FYCO1: variants seen among roughly 807,000 people sequenced by gnomAD.
FYCO1 encodes the protein FYVE and coiled-coil domain autophagy adaptor 1.
In FYCO1, 122 loss-of-function variants were observed where a neutral mutation model predicts 165.1. The observed-to-expected ratio is 0.74, with a 90% CI of 0.64 to 0.86. FYCO1 has a LOEUF of 0.86. FYCO1 is among the 40% of genes least tolerant of loss of function. The pLI is 0.00. For missense variants in FYCO1, 1,702 were observed against 1,810.3 expected, an observed-to-expected ratio of 0.94 and a Z score of 1.09; for synonymous variants, 648 against 742.5, an observed-to-expected ratio of 0.87 and a Z score of 2.07.
intron 14 of FYCO1, 87 bp from the exon 15 acceptor site, chr3:45,936,630 G>A: frequency 1.1e-6 from 1 of 931,956 alleles, no homozygotes; most frequent in South Asian, 1.3e-5. Context: ...GGAGTCACAG[G>A]CAGCCAAATC....
At position 45,936,486 on chromosome 3, in the gene FYCO1, C is replaced by T. The variant is rs1301413592; in HGVS notation, c.4002G>A (p.Gln1334=). ...PEDTEDMPVG[Q]DSEICLLKSG... ...ACTTCAGCAGGCAGATTTCCGAATC[C>T]TGCCCCACGGGCATGTCTTCAGTGT... The change falls in exon 15 of 18, where the codon CAG becomes CAA. Residue 1334 remains glutamine (Q), a synonymous_variant. Coordinates refer to ENST00000296137, the MANE Select transcript of FYCO1 (RefSeq NM_024513.4). 1 of 1,614,084 alleles carries T rather than the reference C, an allele frequency of 6.2e-7. No individual in the cohort carries two copies. Among genetic ancestry groups the T allele is most frequent in the Admixed American group, 1.7e-5 (1 of 60,028 alleles).
At chr3:45,930,106 C>A (rs1292621680) in intron 16 of FYCO1, among the ~76,000 whole-genome samples, 3 of 152,258 alleles carry the variant, frequency 2.0e-5, no homozygotes, top group Admixed American at 2.0e-4. Context: ...TTGATCCTTG[C>A]AATTCTTGCA....
intron 1 of FYCO1, among the ~76,000 whole-genome samples, chr3:45,991,032 C>A (rs2125881822): frequency 6.6e-6 from 1 of 152,274 alleles, no homozygotes; most frequent in African/African-American, 2.4e-5. Context: ...CCCGCCTTGG[C>A]CTCCCAAAGT....
chr3:45,989,406 G>A (rs138996565), intron 1 of FYCO1, among the ~76,000 whole-genome samples: 1 of 152,318 alleles, frequency 6.6e-6, no homozygotes, highest in African/African-American at 2.4e-5. Context: ...AAGGCCTGGA[G>A]GTCCTGCTGG....
intron 11 of FYCO1, 134 bp from the exon 12 acceptor site, chr3:45,959,676 T>C (rs113545180): frequency 2.1e-6 from 2 of 935,232 alleles, no homozygotes; most frequent in Non-Finnish European, 1.7e-6. Flanking sequence ...CTTGGAAATA[T>C]GCCCCAGCCC....
chr3:45,966,395 G>T lies in FYCO1; in HGVS notation c.2939C>A (p.Ala980Asp), dbSNP rs148054715. 10 of 1,613,690 alleles carry T rather than the reference G, an allele frequency of 6.2e-6. No homozygotes were observed. In the African/African-American group the frequency reaches 1.3e-4, roughly 22 times the overall value. Residue 980 changes from alanine to aspartate, a missense_variant, in exon 8 of 18, where the codon GCC becomes GAC. By Grantham distance (126) the Ala-to-Asp change is moderately radical. Coordinates refer to ENST00000296137, the MANE Select transcript of FYCO1 (RefSeq NM_024513.4). The part of the protein sequence containing the change: ...AAAGSLPGLQ[A>D]QLAQAEQRAQ... ...CCGCTGCTCTGCCTGGGCGAGCTGGGCCTGCAGGCCAGGCAGTGAGCCGGC... is the reference window on the plus strand; with the variant it reads ...CCGCTGCTCTGCCTGGGCGAGCTGGTCCTGCAGGCCAGGCAGTGAGCCGGC...
Position 45,921,751 on chromosome 3 carries a change from CT to C in FYCO1, c.*13del. The C allele has an allele frequency of 2.6e-6, 4 of 1,557,954 alleles. No individual in the cohort carries two copies. The highest frequency in any genetic ancestry group is 3.5e-6 in the Non-Finnish European group (4 of 1,128,736). ...GTTTCCTGTGGATGAAGTGAAGTTA[CT>C]GAGGTGCTGAAGCTACAGGAAATCA... On this transcript the variant is annotated 3_prime_UTR_variant, in exon 18 of 18. Coordinates refer to ENST00000296137, the MANE Select transcript of FYCO1 (RefSeq NM_024513.4).
At chr3:45,979,582 A>G in intron 4 of FYCO1, 123 bp downstream of exon 4, 1 of 1,213,238 alleles carries the variant, frequency 8.2e-7, no homozygotes, top group South Asian at 1.2e-5. Context: ...CCTGGACTAG[A>G]TTTCTTTACC....
rs759805930 is a variant in FYCO1, at chr3:45,967,658, G to A, written c.1676C>T (p.Pro559Leu). 2.7e-5 allele frequency: 43 copies of A among 1,611,682 alleles called. No homozygotes were observed. The East Asian group carries it at 7.1e-4, about 27-fold the overall frequency. The change falls in exon 8 of 18, where the codon CCG (proline) becomes CTG (leucine). Residue 559 changes from proline (P) to leucine (L), a missense_variant. Coordinates refer to ENST00000296137, the MANE Select transcript of FYCO1 (RefSeq NM_024513.4). ...TGCCACTGGCAGTTCTGGGCCAGGC[G>A]GCCCAGCAAGCCGCTCGAGCATACC... ...QVGMLERLAGPPGPELPVAGE... is the reference protein window; with the variant it reads ...QVGMLERLAGLPGPELPVAGE...
intron 14 of FYCO1, among the ~76,000 whole-genome samples, chr3:45,952,791 C>T (rs1287607948): frequency 2.6e-5 from 4 of 152,222 alleles, no homozygotes; most frequent in South Asian, 2.1e-4. Flanking sequence ...CCGGAATGTC[C>T]TCCCAGGCCC....
intron 14 of FYCO1, chr3:45,938,178 C>G (rs1408187032): frequency 1.6e-6 from 2 of 1,283,700 alleles, no homozygotes; most frequent in Non-Finnish European, 2.0e-6. Flanking sequence ...ACAGTGATGA[C>G]AGACAACGCC....
chr3:45,947,086 T>C, intron 14 of FYCO1: 1 of 1,614,242 alleles, frequency 6.2e-7, no homozygotes, highest in Non-Finnish European at 8.5e-7. Flanking sequence ...GGGTTCTTCT[T>C]GCCACTGCTC....
chr3:45,979,868 C>G (rs1298120271), intron 3 of FYCO1, 38 bp from the exon 4 acceptor site: 2 of 1,612,300 alleles, frequency 1.2e-6, no homozygotes, highest in African/African-American at 2.7e-5. Context: ...AGGTCCAAAC[C>G]CACTGCTCTT....
In FYCO1 at chr3:45,971,788, T is replaced by C. The variant is rs1706464084; in HGVS notation, c.539+1300A>G. On this transcript the variant is annotated intron_variant, in intron 6 of 17. Transcript: ENST00000296137. The stretch of plus-strand genomic sequence containing the variant: ...TAATGAATTAACAATTAATATGTGA[T>C]CTGGGATTGGACCTTAGATTATGAG... Among the ~76,000 whole-genome samples, 3 of 152,352 alleles carry C rather than the reference T, an allele frequency of 2.0e-5. No homozygotes were observed. The South Asian group carries it at 6.2e-4, about 32-fold the overall frequency.
At position 45,993,008 on chromosome 3, in the gene FYCO1, G is replaced by C. The variant is rs934492692; in HGVS notation, c.-113+2714C>G. Among the ~76,000 whole-genome samples, 10 of 152,160 alleles carry C rather than the reference G, an allele frequency of 6.6e-5. No homozygotes were observed. Among genetic ancestry groups the C allele is most frequent in the Admixed American group, 1.3e-4 (2 of 15,282 alleles). The stretch of plus-strand genomic sequence containing the variant: ...TCCCCTAACTCGGGTTCCTGGGACT[G>C]GCCTAGGGTATAGTACTCTAGATTC... On this transcript the variant is annotated intron_variant, in intron 1 of 17. Transcript: ENST00000296137. The surrounding 1 kb of genome is among the most constrained non-coding windows in gnomAD (Gnocchi z 4.4).
At chr3:45,960,377 C>T (rs1002083367) in intron 11 of FYCO1, among the ~76,000 whole-genome samples, 4 of 152,220 alleles carry the variant, frequency 2.6e-5, no homozygotes, top group Admixed American at 2.0e-4. Context: ...AACTCCCAAT[C>T]AACCCCAGAT....
rs145954939 is a variant in FYCO1 at position 45,953,719 on chromosome 3, T to C, written c.3944+1530A>G. 3.2e-3 allele frequency among the ~76,000 whole-genome samples: 480 copies of C among 152,280 alleles called. 2 individuals are homozygous for C. The highest frequency in any genetic ancestry group is 5.0e-3 in the Non-Finnish European group (339 of 68,020). ...AGGTTCAGTGGATCCAGGTCACTGA[T>C]TAAAAGCAGCATAAAATACCAGTGC... On this transcript the variant is annotated intron_variant, in intron 14 of 17. Coordinates refer to ENST00000296137, the MANE Select transcript of FYCO1 (RefSeq NM_024513.4).
Position 45,964,418 on chromosome 3 carries a change from T to C in FYCO1, c.3187A>G (p.Thr1063Ala), listed in dbSNP as rs1705874620. 1 of 1,614,068 alleles carries C rather than the reference T, an allele frequency of 6.2e-7. No homozygotes were observed. The highest frequency in any genetic ancestry group is 8.5e-7 in the Non-Finnish European group (1 of 1,179,950). ...TGGCACTCTGCAAGATGGTTGCTAG[T>C]GCAGCTCAGCTTCTCTCCCATGTCT... is the stretch of plus-strand genomic sequence containing the variant. ...QADMGEKLSC[T>A]SNHLAECQAA... Residue 1063 changes from threonine (T) to alanine (A), a missense_variant, in exon 10 of 18, where the codon ACT becomes GCT. Physicochemically the swap from Thr to Ala is moderately conservative, Grantham distance 58. Coordinates refer to ENST00000296137, the MANE Select transcript of FYCO1 (RefSeq NM_024513.4). The surrounding 1 kb of genome is among the most constrained non-coding windows in gnomAD (Gnocchi z 4.1).
intron 4 of FYCO1, among the ~76,000 whole-genome samples, chr3:45,978,178 C>A (rs9824752): frequency 1.3e-5 from 2 of 152,182 alleles, no homozygotes; most frequent in African/African-American, 4.8e-5. Context: ...CTGGGGAATG[C>A]GGACTAAAAC....
Sources: allele counts gnomAD v4.1 joint callset (sites outside exome capture counted in the v4.1 genomes callset), GRCh38; gene constraint gnomAD v4.1.1; non-coding constraint Gnocchi (gnomAD v3.1); transcripts MANE v1.5; gene names NCBI Gene and HGNC (gene_info 2026-07-23, HGNC 2026-07-21).